TTYH1: variants seen among roughly 807,000 people sequenced by gnomAD.
TTYH1 encodes tweety family member 1.
A neutral mutation model predicts 61.2 loss-of-function variants in TTYH1; 33 were observed. The observed-to-expected ratio is 0.54, with a 90% confidence interval of 0.41 to 0.72. The LOEUF is 0.72. Among genes scored for constraint, TTYH1 ranks in the 30% least tolerant of loss-of-function variants. TTYH1 has a pLI of 0.00. For missense variants in TTYH1, 538 were observed against 575.8 expected (o/e 0.93, Z 0.67); for synonymous variants, 308 against 266.4 (o/e 1.16, Z -1.52).
intron 1 of TTYH1, among the ~76,000 whole-genome samples, chr19:54,417,551 C>T (rs1569249357): frequency 1.3e-5 from 2 of 152,068 alleles, no homozygotes; most frequent in Non-Finnish European, 2.9e-5. Flanking sequence ...TGCACACGCA[C>T]ATTGCGCACA....
At chr19:54,427,298 CAAAAAAAAAA>C (rs752663363) in intron 5 of TTYH1, among the ~76,000 whole-genome samples, 1 of 15,384 alleles carries the variant, frequency 6.5e-5, no homozygotes, top group South Asian at 4.7e-3. Flanking sequence ...CACTCCATCT[CAAAAAAAAAA>C]AAAAAAAAAA....
At chr19:54,417,439 A>G (rs2083110022) in intron 1 of TTYH1, among the ~76,000 whole-genome samples, 1 of 151,722 alleles carries the variant, frequency 6.6e-6, no homozygotes, top group Non-Finnish European at 1.5e-5. Context: ...ATACCCATTT[A>G]CTACTCCCGC....
In TTYH1 at chr19:54,422,379, G is replaced by T; in HGVS notation, c.607G>T (p.Ala203Ser). ...AGTGCCCCTGAGCCCCCTGCAGGTGGCTGAAAATGTGTCCTTTGTGGAGGA... is the reference window on the plus strand; with the variant it reads ...AGTGCCCCTGAGCCCCCTGCAGGTGTCTGAAAATGTGTCCTTTGTGGAGGA... The part of the protein sequence containing the change: ...QGVPLSPLQV[A>S]ENVSFVEEYR... Residue 203 changes from alanine to serine, a missense_variant, in exon 4 of 14, where the codon GCT becomes TCT. Transcript: ENST00000376530. 6.4e-7 allele frequency: 1 copy of T among 1,572,186 alleles called. No homozygotes were observed. The highest frequency in any genetic ancestry group is 8.6e-7 in the Non-Finnish European group (1 of 1,158,844).
In TTYH1 at chr19:54,436,305, ACT is replaced by A; in HGVS notation, c.*43-27_*43-26del. 6.2e-7 allele frequency: 1 copy of A among 1,613,920 alleles called. No individual in the cohort carries two copies. On this transcript the variant is annotated intron_variant, in intron 13 of 13. Transcript: ENST00000376530. The surrounding 1 kb of genome is among the most constrained non-coding windows in gnomAD (Gnocchi z 4.3). ...CCGGGCAGGCCCTCCAGCCTGCATC[ACT>A]GCCCTGTCTCTCCCTCTCTCCGCAG...
Position 54,422,270 on chromosome 19 carries a change from G to A in TTYH1, c.498G>A (p.Thr166=), listed in dbSNP as rs762808281. 6 of 1,566,646 alleles carry A rather than the reference G, an allele frequency of 3.8e-6. No homozygotes were observed. The South Asian group carries it at 4.7e-5, about 12-fold the overall frequency. ...TGGAGGAGGTGCTCGAGCCGCGCAC[G>A]GAGCTGGTGGCTGCCGCCCGAGGGG... is the stretch of plus-strand genomic sequence containing the variant. ...TTLEEVLEPR[T]ELVAAARGAR... is the part of the protein sequence containing the mutation. The change falls in exon 4 of 14, where the codon ACG becomes ACA. Residue 166 remains threonine, a synonymous_variant. Transcript: ENST00000376530.
At chr19:54,430,666 G>A in intron 8 of TTYH1, 61 bp downstream of exon 8, 6 of 1,492,898 alleles carry the variant, frequency 4.0e-6, no homozygotes, top group Non-Finnish European at 5.6e-6. Context: ...ACTCTGAAGG[G>A]AGGGGGCGGG....
Position 54,431,121 on chromosome 19 carries a change from A to G in TTYH1, c.1055A>G (p.Glu352Gly), listed in dbSNP as rs1434930420. 5.6e-6 allele frequency: 9 copies of G among 1,613,758 alleles called. No homozygotes were observed. The highest frequency in any genetic ancestry group is 6.8e-6 in the Non-Finnish European group (8 of 1,179,708). The change falls in exon 10 of 14, where the codon GAG becomes GGG. Residue 352 changes from glutamate (E) to glycine (G), a missense_variant. Glu to Gly is a moderately conservative substitution (Grantham distance 98, BLOSUM62 -2). Around this residue, in one of 3 missense-constraint regions of TTYH1, gnomAD observed 378 missense variants for 401.2 expected, o/e 0.94. Coordinates refer to ENST00000376530, the MANE Select transcript of TTYH1 (RefSeq NM_020659.4). ...SAQKPLLSLE[E>G]TLNVTEGNFH... Reference sequence around the variant, plus strand: ...CAGAAGCCTCTGCTGTCCTTGGAGGAGACTCTGAATGTGACAGAAGGAAAT... The same window carrying G: ...CAGAAGCCTCTGCTGTCCTTGGAGGGGACTCTGAATGTGACAGAAGGAAAT...
rs758730598 is a variant in TTYH1 at position 54,429,929 on chromosome 19, G to C, written c.855G>C (p.Leu285=). ...CSNPDPYVLN[L]TQEETGLSSD... is the part of the protein sequence containing the mutation. ...ATCCAGACCCTTATGTTCTGAACCTGACCCAGGAGGAGACAGGGCTCAGCT... is the reference window on the plus strand; with the variant it reads ...ATCCAGACCCTTATGTTCTGAACCTCACCCAGGAGGAGACAGGGCTCAGCT... The change falls in exon 7 of 14, where the codon CTG becomes CTC. Residue 285 remains leucine, a synonymous_variant. Coordinates refer to ENST00000376530, the MANE Select transcript of TTYH1 (RefSeq NM_020659.4). The surrounding 1 kb of genome is among the most constrained non-coding windows in gnomAD (Gnocchi z 5.1). The C allele has an allele frequency of 6.2e-7, 1 of 1,613,980 alleles. No homozygotes were observed. Among genetic ancestry groups the C allele is most frequent in the Middle Eastern group, 1.7e-4 (1 of 6,060 alleles).
In TTYH1 at chr19:54,415,559, G is replaced by A. The variant is rs1242131331; in HGVS notation, c.7G>A (p.Ala3Thr). The change falls in exon 1 of 14, where the codon GCG becomes ACG. Residue 3 changes from alanine (A) to threonine (T), a missense_variant. Transcript: ENST00000376530. This position sits in a 1 kb window ranked among gnomAD's most constrained non-coding sequence, Gnocchi z 5.2. The stretch of plus-strand genomic sequence containing the variant: ...GCCCCCTCCCCCGGGGGCCATGGGG[G>A]CGCCCCCGGGCTACCGGCCCTCAGC... Reference protein sequence around the residue: MGAPPGYRPSAWV... With the variant: MGTPPGYRPSAWV... The A allele has an allele frequency of 1.0e-5, 15 of 1,475,126 alleles. No homozygotes were observed. Among genetic ancestry groups the A allele is most frequent in the Admixed American group, 7.1e-5 (3 of 42,400 alleles). 91.4% of individuals were successfully genotyped at this position (1,475,126 alleles called of 1,614,324 possible). A position where few individuals can be genotyped will look rare whatever the true frequency, so the allele number is the denominator to read the frequency against.
At position 54,416,889 on chromosome 19, in the gene TTYH1, G is replaced by A; in HGVS notation, c.126+1211G>A. The A allele has an allele frequency of 7.8e-7, 1 of 1,288,284 alleles. No homozygotes were observed. The highest frequency in any genetic ancestry group is 1.2e-5 in the South Asian group (1 of 80,816). 79.8% of individuals were successfully genotyped at this position (1,288,284 alleles called of 1,614,324 possible). ...TCTGGCCCGGAGACCTCCCGAAGCCGCACGCGGGGATCCGCGGCCCCAGTC... is the reference window on the plus strand; with the variant it reads ...TCTGGCCCGGAGACCTCCCGAAGCCACACGCGGGGATCCGCGGCCCCAGTC... On this transcript the variant is annotated intron_variant, in intron 1 of 13. Coordinates refer to ENST00000376530, the MANE Select transcript of TTYH1 (RefSeq NM_020659.4). The surrounding 1 kb of genome is among the most constrained non-coding windows in gnomAD (Gnocchi z 7.0).
chr19:54,432,672 A>G (rs3745423), intron 10 of TTYH1: 60,577 of 151,622 alleles, frequency 0.4, 14,158 homozygotes, highest in African/African-American at 0.65. Context: ...CTCCCCATCC[A>G]TCCCCCCATG....
chr19:54,435,494 A>C, intron 10 of TTYH1, 48 bp from the exon 11 acceptor site: 2 of 1,544,906 alleles, frequency 1.3e-6, no homozygotes, highest in Non-Finnish European at 1.7e-6. Flanking sequence ...GTGTGTGCCG[A>C]TGGGGGAGGG....
At chr19:54,427,422 G>A (rs988671497) in intron 5 of TTYH1, among the ~76,000 whole-genome samples, 4 of 149,742 alleles carry the variant, frequency 2.7e-5, no homozygotes, top group South Asian at 2.1e-4. Context: ...TGGCTAACAC[G>A]GTGAAACCCC....
chr19:54,426,561 G>C (rs1017777601), intron 4 of TTYH1, 112 bp from the exon 5 acceptor site: 3 of 808,532 alleles, frequency 3.7e-6, no homozygotes, highest in African/African-American at 1.7e-5. Flanking sequence ...TTGGAGGGTG[G>C]TGAATGTGAG....
chr19:54,427,239 G>A (rs1334996781), intron 5 of TTYH1, among the ~76,000 whole-genome samples: 1 of 27,120 alleles, frequency 3.7e-5, no homozygotes, highest in Non-Finnish European at 1.4e-4. Context: ...GGAGGTTGTG[G>A]TGAGCCAAGA....
rs974196148 is a variant in TTYH1 at position 54,419,707 on chromosome 19, G to A, written c.305+401G>A. Among the ~76,000 whole-genome samples, 2 of 152,158 alleles carry A rather than the reference G, an allele frequency of 1.3e-5. No individual in the cohort carries two copies. Among genetic ancestry groups the A allele is most frequent in the African/African-American group, 2.4e-5 (1 of 41,418 alleles). The stretch of plus-strand genomic sequence containing the variant: ...CCTGCGGGGGTAAGATGGAGAGAAA[G>A]CACAGTGTCTGACTTGCAGCTACTC... On this transcript the variant is annotated intron_variant, in intron 2 of 13. Transcript: ENST00000376530. This position sits in a 1 kb window ranked among gnomAD's most constrained non-coding sequence, Gnocchi z 6.1.
chr19:54,423,169 C>T (rs1156908179), intron 4 of TTYH1, among the ~76,000 whole-genome samples: 2 of 151,822 alleles, frequency 1.3e-5, no homozygotes, highest in African/African-American at 4.8e-5. Flanking sequence ...AGTCGTTCAT[C>T]CGTGTGACAT....
chr19:54,426,786 G>T lies in TTYH1; in HGVS notation c.734+18G>T. On this transcript the variant is annotated intron_variant, in intron 5 of 13. Coordinates refer to ENST00000376530, the MANE Select transcript of TTYH1 (RefSeq NM_020659.4). ...GTGATCGTGTAAGTGCAGGCAGTAG[G>T]GGGACCCAGTGCTTGCCTGGCACTC... 1 of 1,609,926 alleles carries T rather than the reference G, an allele frequency of 6.2e-7. No homozygotes were observed. Among genetic ancestry groups the T allele is most frequent in the Non-Finnish European group, 8.5e-7 (1 of 1,177,616 alleles).
At chr19:54,424,448 C>T (rs893761004) in intron 4 of TTYH1, among the ~76,000 whole-genome samples, 10 of 152,200 alleles carry the variant, frequency 6.6e-5, no homozygotes, top group Non-Finnish European at 1.0e-4. Flanking sequence ...CGGGGAAGGC[C>T]GACTGGGGCT....
Sources: allele counts gnomAD v4.1 joint callset (sites outside exome capture counted in the v4.1 genomes callset), GRCh38; gene constraint gnomAD v4.1.1; regional missense constraint gnomAD v4.1.1; non-coding constraint Gnocchi (gnomAD v3.1); transcripts MANE v1.5; gene names NCBI Gene and HGNC (gene_info 2026-07-23, HGNC 2026-07-21).